Variants in AGPS observed in about 807,000 individuals in gnomAD.
The protein encoded by AGPS is alkylglycerone phosphate synthase.
A neutral mutation model predicts 90.7 loss-of-function variants in AGPS; 26 were observed. That is an observed-to-expected ratio of 0.29 (90% CI 0.21 to 0.40). The LOEUF (loss-of-function observed/expected upper bound fraction) is 0.40, where lower values mean the gene tolerates loss of function less well. Ranked by LOEUF, AGPS falls within the 10% of genes least tolerant of loss-of-function variation. The pLI is 1.00. For synonymous variants in AGPS, 294 were observed against 285.3 expected, an observed-to-expected ratio of 1.03 and a Z score of -0.31; for missense variants, 540 against 816.1, an observed-to-expected ratio of 0.66 and a Z score of 4.12.
intron 15 of AGPS, among the ~76,000 whole-genome samples, chr2:177,507,512 A>T (rs897258045): frequency 5.3e-5 from 8 of 152,130 alleles, no homozygotes; most frequent in African/African-American, 1.9e-4. Flanking sequence ...AGAAAAGTTG[A>T]TTTTAAGAAA....
chr2:177,505,416 C>A, intron 14 of AGPS, 90 bp from the exon 15 acceptor site: 1 of 1,168,762 alleles, frequency 8.6e-7, no homozygotes, highest in Non-Finnish European at 1.3e-6. Context: ...TTTTGTTATT[C>A]AAACTTATTC....
chr2:177,519,654 T>C (rs1418567212), intron 17 of AGPS, among the ~76,000 whole-genome samples: 3 of 152,218 alleles, frequency 2.0e-5, no homozygotes, highest in African/African-American at 7.2e-5. Flanking sequence ...TGATTTGCTT[T>C]TTTTCTACCC....
intron 1 of AGPS, among the ~76,000 whole-genome samples, chr2:177,395,559 A>C (rs750820578): frequency 6.6e-6 from 1 of 152,226 alleles, no homozygotes; most frequent in Admixed American, 6.5e-5. Context: ...ATCATGAGGA[A>C]CCCAAGTCTC....
At chr2:177,487,268 A>G (rs1688123119) in intron 11 of AGPS, among the ~76,000 whole-genome samples, 1 of 152,120 alleles carries the variant, frequency 6.6e-6, no homozygotes, top group Non-Finnish European at 1.5e-5. Flanking sequence ...TTCCAACAAG[A>G]GGAAAAACTG....
intron 1 of AGPS, among the ~76,000 whole-genome samples, chr2:177,405,673 G>GTTTT (rs56860445): frequency 1.2e-4 from 18 of 144,904 alleles, no homozygotes; most frequent in South Asian, 4.3e-4. Context: ...CTATTCTGTT[G>GTTTT]TTTTTTTTTT....
intron 17 of AGPS, among the ~76,000 whole-genome samples, chr2:177,515,384 A>G (rs2105728009): frequency 1.3e-5 from 2 of 152,238 alleles, no homozygotes; most frequent in African/African-American, 4.8e-5. Context: ...AACATTTTAG[A>G]TAGTCAAATC....
chr2:177,539,350 T>C lies in AGPS; in HGVS notation c.*1155T>C, dbSNP rs537337167. On this transcript the variant is annotated 3_prime_UTR_variant, in exon 20 of 20. Coordinates refer to ENST00000264167, the MANE Select transcript of AGPS (RefSeq NM_003659.4). ...CCATAATCAAAAGTTTGAAATATCCTGTTTCTTAAATAATGAGAACATTAA... is the reference window on the plus strand; with the variant it reads ...CCATAATCAAAAGTTTGAAATATCCCGTTTCTTAAATAATGAGAACATTAA... 1.1e-4 allele frequency: 16 copies of C among 152,184 alleles called. No individual in the cohort carries two copies. Among genetic ancestry groups the C allele is most frequent in the African/African-American group, 3.8e-4 (16 of 41,570 alleles). 9.4% of individuals were successfully genotyped at this position (152,184 alleles called of 1,614,324 possible).
At chr2:177,397,727 A>G (rs1264088661) in intron 1 of AGPS, among the ~76,000 whole-genome samples, 1 of 152,202 alleles carries the variant, frequency 6.6e-6, no homozygotes, top group Non-Finnish European at 1.5e-5. Context: ...TGCCATTTTA[A>G]TAAAAAGCAG....
At chr2:177,443,800 A>G (rs1200001883) in intron 7 of AGPS, among the ~76,000 whole-genome samples, 2 of 152,138 alleles carry the variant, frequency 1.3e-5, no homozygotes, top group Non-Finnish European at 2.9e-5. Flanking sequence ...GAATGTTAAC[A>G]TGGGTTTGGT....
rs1219551091 is a variant in AGPS at position 177,392,963 on chromosome 2, C to G, written c.174C>G (p.Cys58Trp). ...RPREALSTNE[C>W]KARRAASAAT... ...GGGAGGCTCTGAGTACCAATGAGTG[C>G]AAAGCGCGGAGAGCCGCGTCGGCGG... is the stretch of plus-strand genomic sequence containing the variant. Residue 58 changes from cysteine (C) to tryptophan (W), a missense_variant, in exon 1 of 20, where the codon TGC (cysteine) becomes TGG (tryptophan). Cys to Trp is a radical substitution (Grantham distance 215). This residue lies in a region of AGPS where 135 missense variants were observed against 124.0 expected (regional missense o/e 1.09). Transcript: ENST00000264167. 6.5e-7 allele frequency: 1 copy of G among 1,549,934 alleles called. No homozygotes were observed. Among genetic ancestry groups the G allele is most frequent in the Non-Finnish European group, 8.7e-7 (1 of 1,146,658 alleles).
chr2:177,409,622 G>A (rs565144354), intron 1 of AGPS, among the ~76,000 whole-genome samples: 33 of 152,224 alleles, frequency 2.2e-4, no homozygotes, highest in Middle Eastern at 3.4e-3. Flanking sequence ...GAGGTTGGCC[G>A]ACGACCGCTC....
chr2:177,516,324 A>G (rs1689022196), intron 17 of AGPS, among the ~76,000 whole-genome samples: 1 of 152,164 alleles, frequency 6.6e-6, no homozygotes, highest in Admixed American at 6.5e-5. Context: ...TTATATGGGA[A>G]GTAATTGCTA....
intron 19 of AGPS, among the ~76,000 whole-genome samples, chr2:177,534,712 G>C (rs2079168184): frequency 6.6e-6 from 1 of 151,344 alleles, no homozygotes; most frequent in African/African-American, 2.4e-5. Context: ...CCAATCTCCT[G>C]AGTAGCTGAG....
chr2:177,429,091 G>T (rs1429808460), intron 2 of AGPS, among the ~76,000 whole-genome samples: 2 of 151,902 alleles, frequency 1.3e-5, no homozygotes, highest in Non-Finnish European at 2.9e-5. Context: ...TCCTCCACTT[G>T]GTCTATTCTG....
At chr2:177,447,594 C>T (rs1250228219) in intron 8 of AGPS, among the ~76,000 whole-genome samples, 1 of 149,222 alleles carries the variant, frequency 6.7e-6, no homozygotes, top group Non-Finnish European at 1.5e-5. Context: ...TTAACCTTTC[C>T]AAGTTTTCTT....
At position 177,504,515 on chromosome 2, in the gene AGPS, A is replaced by C. The variant is rs114961567; in HGVS notation, c.1476-991A>C. On this transcript the variant is annotated intron_variant, in intron 14 of 19. Coordinates refer to ENST00000264167, the MANE Select transcript of AGPS (RefSeq NM_003659.4). ...GAGCTGCTTATATCAAATCTTTGCC[A>C]CTTCTTTTGGATAACACCATCTACC... 5.6e-3 allele frequency among the ~76,000 whole-genome samples: 857 copies of C among 152,194 alleles called. 9 individuals are homozygous for C. The highest frequency in any genetic ancestry group is 0.02 in the African/African-American group (816 of 41,528).
chr2:177,401,109 A>G (rs1311505869), intron 1 of AGPS, among the ~76,000 whole-genome samples: 1 of 152,222 alleles, frequency 6.6e-6, no homozygotes, highest in Admixed American at 6.5e-5. Context: ...CATAGCCACT[A>G]TGGAGCTGAC....
chr2:177,392,959 A>T lies in AGPS; in HGVS notation c.170A>T (p.Glu57Val). The T allele has an allele frequency of 1.3e-6, 2 of 1,550,076 alleles. No homozygotes were observed. Among genetic ancestry groups the T allele is most frequent in the South Asian group, 2.4e-5 (2 of 84,054 alleles). The change falls in exon 1 of 20, where the codon GAG (glutamate) becomes GTG (valine). Residue 57 changes from glutamate to valine, a missense_variant. Transcript: ENST00000264167. Reference protein sequence around the residue: ...GRPREALSTNECKARRAASAA... With the variant: ...GRPREALSTNVCKARRAASAA... ...CCCCGGGAGGCTCTGAGTACCAATG[A>T]GTGCAAAGCGCGGAGAGCCGCGTCG... is the stretch of plus-strand genomic sequence containing the variant.
intron 1 of AGPS, among the ~76,000 whole-genome samples, chr2:177,411,944 C>T (rs1412970930): frequency 2.0e-5 from 3 of 152,006 alleles, no homozygotes; most frequent in African/African-American, 7.2e-5. Flanking sequence ...GGAGAGCAGT[C>T]CTCCTAGCCA....
Sources: gnomAD v4.1 joint callset for allele counts (sites outside exome capture counted in the v4.1 genomes callset) on GRCh38, gnomAD v4.1.1 for gene constraint, gnomAD v4.1.1 regional missense constraint, MANE v1.5 for transcripts, NCBI Gene and HGNC (gene_info 2026-07-23, HGNC 2026-07-21) for gene names.